Variants in FBXL17 observed in about 807,000 individuals in gnomAD.
The protein encoded by FBXL17 is F-box and leucine rich repeat protein 17, also known as F-box/LRR-repeat protein 17.
In FBXL17, 22 loss-of-function variants were observed where a neutral mutation model predicts 66.2. That is an observed-to-expected ratio of 0.33 (90% CI 0.24 to 0.47). The LOEUF (loss-of-function observed/expected upper bound fraction) is 0.47, where lower values mean the gene tolerates loss of function less well. Among genes scored for constraint, FBXL17 ranks in the 20% least tolerant of loss-of-function variants. The probability of loss-of-function intolerance (pLI) is 1.00; values close to 1 mark genes in which losing one functional copy is unlikely to be tolerated. For missense variants in FBXL17, 878 were observed against 948.2 expected (o/e 0.93, Z 0.97); for synonymous variants, 474 against 400.5 (o/e 1.18, Z -2.19).
At chr5:108,107,637 C>T (rs574397045) in intron 6 of FBXL17, among the ~76,000 whole-genome samples, 1 of 151,454 alleles carries the variant, frequency 6.6e-6, no homozygotes, top group Non-Finnish European at 1.5e-5. Flanking sequence ...ACGGTGAAAC[C>T]CCATCTCTAC....
chr5:108,156,592 C>T (rs1752006402), intron 6 of FBXL17, among the ~76,000 whole-genome samples: 1 of 151,544 alleles, frequency 6.6e-6, no homozygotes, highest in Non-Finnish European at 1.5e-5. Context: ...GGAATCAATC[C>T]CTAATTGTTT....
chr5:108,112,745 GA>G (rs1406318239), intron 6 of FBXL17, among the ~76,000 whole-genome samples: 1 of 150,968 alleles, frequency 6.6e-6, no homozygotes, highest in Non-Finnish European at 1.5e-5. Flanking sequence ...AGAGTGAAAT[GA>G]AAGTTGTAAA....
rs371253334 is a variant in FBXL17, at chr5:108,009,306, T to C, written c.1822+11619A>G. 6.0e-3 allele frequency among the ~76,000 whole-genome samples: 104 copies of C among 17,410 alleles called. 13 individuals are homozygous for C. Among genetic ancestry groups the C allele is most frequent in the African/African-American group, 0.02 (81 of 3,972 alleles). The allele number at this position is 17,410 out of a possible 152,430, so 11.4% of individuals were successfully genotyped here. A position where few individuals can be genotyped will look rare whatever the true frequency, so the allele number is the denominator to read the frequency against. ...ATATATATATATATATATATACATATATACATACACATATAGTTTTGCTTT... is the reference window on the plus strand; with the variant it reads ...ATATATATATATATATATATACATACATACATACACATATAGTTTTGCTTT... On this transcript the variant is annotated intron_variant, in intron 7 of 8. Transcript: ENST00000542267.
intron 7 of FBXL17, among the ~76,000 whole-genome samples, chr5:107,898,514 T>A (rs1198691410): frequency 6.6e-6 from 1 of 152,180 alleles, no homozygotes; most frequent in African/African-American, 2.4e-5. Flanking sequence ...TTTTTATTAT[T>A]ATATTTTACA....
intron 4 of FBXL17, among the ~76,000 whole-genome samples, chr5:108,307,273 G>A (rs1431496214): frequency 6.6e-6 from 1 of 151,994 alleles, no homozygotes; most frequent in Non-Finnish European, 1.5e-5. Context: ...AGTCTAGGAT[G>A]TTAACTCTTT....
intron 7 of FBXL17, among the ~76,000 whole-genome samples, chr5:107,896,526 T>A (rs555773644): frequency 1.3e-5 from 2 of 152,302 alleles, no homozygotes; most frequent in East Asian, 3.9e-4. Flanking sequence ...CATCTCTCAG[T>A]AAATTGCACA....
chr5:108,281,052 C>G (rs2150149959), intron 4 of FBXL17, among the ~76,000 whole-genome samples: 1 of 151,780 alleles, frequency 6.6e-6, no homozygotes, highest in Non-Finnish European at 1.5e-5. Flanking sequence ...AAGAGAGAGA[C>G]AGATAGCAAT....
chr5:107,953,700 G>T (rs1362608117), intron 7 of FBXL17, among the ~76,000 whole-genome samples: 1 of 152,036 alleles, frequency 6.6e-6, no homozygotes, highest in Non-Finnish European at 1.5e-5. Flanking sequence ...TCACTCTCTA[G>T]GTAATCCCTG....
intron 5 of FBXL17, among the ~76,000 whole-genome samples, chr5:108,213,911 A>G (rs1754484932): frequency 6.6e-6 from 1 of 152,180 alleles, no homozygotes; most frequent in Non-Finnish European, 1.5e-5. Context: ...TTCTAGACAT[A>G]GTTTATCAGA....
At chr5:108,320,982 C>T (rs1759592123) in intron 4 of FBXL17, among the ~76,000 whole-genome samples, 2 of 151,764 alleles carry the variant, frequency 1.3e-5, no homozygotes, top group Admixed American at 6.6e-5. Flanking sequence ...TAAATAATTA[C>T]CAACTAGTAC....
At chr5:108,044,745 C>T (rs1054052480) in intron 6 of FBXL17, among the ~76,000 whole-genome samples, 1 of 152,066 alleles carries the variant, frequency 6.6e-6, no homozygotes, top group African/African-American at 2.4e-5. Context: ...TAGAATACTC[C>T]AGTGAAACTA....
chr5:108,079,633 A>C (rs915035068), intron 6 of FBXL17, among the ~76,000 whole-genome samples: 11 of 152,222 alleles, frequency 7.2e-5, no homozygotes, highest in Non-Finnish European at 1.6e-4. Flanking sequence ...TCTGCTTAAA[A>C]AGTTAAATGT....
chr5:107,926,494 T>C (rs147201115), intron 7 of FBXL17, among the ~76,000 whole-genome samples: 76 of 152,146 alleles, frequency 5.0e-4, no homozygotes, highest in African/African-American at 1.8e-3. Context: ...TTGCATCTCC[T>C]GAGTAGGTAA....
At chr5:108,105,141 G>A (rs191741777) in intron 6 of FBXL17, among the ~76,000 whole-genome samples, 1 of 152,106 alleles carries the variant, frequency 6.6e-6, no homozygotes, top group Admixed American at 6.5e-5. Flanking sequence ...ACACCTGGCC[G>A]TGATTTTTTT....
At chr5:108,141,452 G>A (rs1372393769) in intron 6 of FBXL17, among the ~76,000 whole-genome samples, 1 of 152,156 alleles carries the variant, frequency 6.6e-6, no homozygotes, top group Admixed American at 6.5e-5. Flanking sequence ...GCAGGGCAGA[G>A]GCCAGGTTTT....
At chr5:108,059,066 C>G (rs1747822848) in intron 6 of FBXL17, among the ~76,000 whole-genome samples, 1 of 152,150 alleles carries the variant, frequency 6.6e-6, no homozygotes, top group Non-Finnish European at 1.5e-5. Flanking sequence ...TATTGCGGAA[C>G]AAAGGCTCGT....
rs546582258 is a variant in FBXL17, at chr5:107,980,881, T to C, written c.1822+40044A>G. Among the ~76,000 whole-genome samples the C allele has an allele frequency of 1.9e-3, 287 of 151,278 alleles. 3 individuals are homozygous for C. The highest frequency in any genetic ancestry group is 0.014 in the Middle Eastern group (4 of 294). ...CCATGGTCTCGATCTCCTGACCTCGTGATCCGCCCGCCTCGGCCTCCCAAA... is the reference window on the plus strand; with the variant it reads ...CCATGGTCTCGATCTCCTGACCTCGCGATCCGCCCGCCTCGGCCTCCCAAA... On this transcript the variant is annotated intron_variant, in intron 7 of 8. Coordinates refer to ENST00000542267, the MANE Select transcript of FBXL17 (RefSeq NM_001163315.3).
At chr5:108,340,723 T>C (rs12656256) in intron 4 of FBXL17, among the ~76,000 whole-genome samples, 6,981 of 152,258 alleles carry the variant, frequency 0.046, 909 homozygotes, top group East Asian at 0.45. Flanking sequence ...ATAAAATATG[T>C]CACCAAAATA....
At chr5:108,035,711 A>T (rs1262354817) in intron 6 of FBXL17, among the ~76,000 whole-genome samples, 1 of 152,110 alleles carries the variant, frequency 6.6e-6, no homozygotes, top group Non-Finnish European at 1.5e-5. Flanking sequence ...TTGTATTCAC[A>T]CAAATGCAGT....
Sources: allele counts gnomAD v4.1 joint callset (sites outside exome capture counted in the v4.1 genomes callset), GRCh38; gene constraint gnomAD v4.1.1; transcripts MANE v1.5; gene names NCBI Gene and HGNC (gene_info 2026-07-23, HGNC 2026-07-21).